Variants in SLIT3 observed in about 807,000 individuals in gnomAD.
SLIT3 encodes the protein slit homolog 3 protein.
In SLIT3, 68 loss-of-function variants were observed where a neutral mutation model predicts 184.0. That is an observed-to-expected ratio of 0.37 (90% confidence interval 0.30 to 0.45). The LOEUF (loss-of-function observed/expected upper bound fraction) is 0.45. Among genes scored for constraint, SLIT3 ranks in the 20% least tolerant of loss-of-function variants. The probability of loss-of-function intolerance (pLI) is 1.00; values close to 1 mark genes in which losing one functional copy is unlikely to be tolerated. For missense variants in SLIT3, 1,707 were observed against 2,026.0 expected (o/e 0.84, Z 3.02); for synonymous variants, 831 against 828.6 (o/e 1.00, Z -0.05).
intron 4 of SLIT3, among the ~76,000 whole-genome samples, chr5:168,963,332 C>T (rs1763078347): frequency 6.6e-6 from 1 of 152,126 alleles, no homozygotes; most frequent in African/African-American, 2.4e-5. Flanking sequence ...CCATCACACC[C>T]AGCTGATTTT....
chr5:169,235,466 C>A (rs1360772803), intron 3 of SLIT3, among the ~76,000 whole-genome samples: 1 of 152,080 alleles, frequency 6.6e-6, no homozygotes, highest in Non-Finnish European at 1.5e-5. Flanking sequence ...CTCATATAGC[C>A]CATACCCAAT....
At chr5:168,684,946 A>T (rs116886818) in intron 31 of SLIT3, among the ~76,000 whole-genome samples, 6,348 of 151,916 alleles carry the variant, frequency 0.042, 437 homozygotes, top group Admixed American at 0.18. Context: ...AGATAATTTT[A>T]TTATTTATTT....
intron 4 of SLIT3, among the ~76,000 whole-genome samples, chr5:169,188,173 G>A (rs1763424025): frequency 6.6e-6 from 1 of 152,276 alleles, no homozygotes; most frequent in South Asian, 2.1e-4. Flanking sequence ...TGCCCAGGCT[G>A]GTCTCGAACT....
chr5:169,137,329 C>CAGAGAGAGAGAGAGAGAG (rs573469556), intron 4 of SLIT3, among the ~76,000 whole-genome samples: 142 of 97,948 alleles, frequency 1.4e-3, no homozygotes, highest in South Asian at 6.1e-3. Context: ...CACACACACA[C>CAGAGAGAGAGAGAGAGAG]ACACACAGAG....
intron 6 of SLIT3, among the ~76,000 whole-genome samples, chr5:168,840,756 A>T (rs1258267382): frequency 2.6e-5 from 4 of 152,232 alleles, no homozygotes; most frequent in Non-Finnish European, 4.4e-5. Context: ...CGGTCCCTCA[A>T]TTAAGAACCT....
chr5:168,704,569 C>T (rs1032794853), intron 26 of SLIT3, among the ~76,000 whole-genome samples: 4 of 152,184 alleles, frequency 2.6e-5, no homozygotes, highest in African/African-American at 7.2e-5. Context: ...TCTTTCTGAA[C>T]CTTAGTTGTT....
intron 35 of SLIT3, 84 bp downstream of exon 35, chr5:168,669,699 G>C (rs1016081357): frequency 1.8e-6 from 2 of 1,127,854 alleles, no homozygotes; most frequent in African/African-American, 3.1e-5. Context: ...AAGTGGCACA[G>C]CCAGAACTGG....
At chr5:168,932,265 T>G (rs867091268) in intron 4 of SLIT3, among the ~76,000 whole-genome samples, 1 of 150,702 alleles carries the variant, frequency 6.6e-6, no homozygotes, top group African/African-American at 2.4e-5. Flanking sequence ...TGTGTTTTTT[T>G]TTTTTTTTTG....
At chr5:168,724,055 A>G (rs940156107) in intron 21 of SLIT3, among the ~76,000 whole-genome samples, 4 of 152,200 alleles carry the variant, frequency 2.6e-5, no homozygotes, top group Non-Finnish European at 5.9e-5. Flanking sequence ...TAAACATCCT[A>G]TAATGTCTAT....
rs1581065068 is a variant in SLIT3 at position 168,772,836 on chromosome 5, G to A, written c.1404C>T (p.Arg468=). 1 of 1,614,116 alleles carries A rather than the reference G, an allele frequency of 6.2e-7. No homozygotes were observed. The highest frequency in any genetic ancestry group is 2.2e-5 in the East Asian group (1 of 44,874). ...GGCTGATGCGCTTGTTGGCGAGTCG[G>A]CGCGGGCTGCTGCAGCGGGCCCCGC... ...ETSGARCSSP[R]RLANKRISQI... The change falls in exon 14 of 36, where the codon CGC becomes CGT. Residue 468 remains arginine, a synonymous_variant. Coordinates refer to ENST00000519560, the MANE Select transcript of SLIT3 (RefSeq NM_003062.4).
At chr5:168,895,140 T>C (rs924421446) in intron 4 of SLIT3, among the ~76,000 whole-genome samples, 4 of 152,184 alleles carry the variant, frequency 2.6e-5, no homozygotes, top group Non-Finnish European at 5.9e-5. Flanking sequence ...CACTTCCTAG[T>C]GTCTACCCCA....
chr5:169,286,613 G>A (rs1180549837), intron 1 of SLIT3, among the ~76,000 whole-genome samples: 1 of 152,198 alleles, frequency 6.6e-6, no homozygotes, highest in Non-Finnish European at 1.5e-5. Flanking sequence ...AGGTCACATG[G>A]TGTGTCAGAG....
At chr5:169,001,590 T>C (rs188917258) in intron 4 of SLIT3, among the ~76,000 whole-genome samples, 3 of 152,226 alleles carry the variant, frequency 2.0e-5, no homozygotes, top group East Asian at 3.9e-4. Flanking sequence ...TCTGTCAGCA[T>C]CTCATGACAG....
intron 1 of SLIT3, among the ~76,000 whole-genome samples, chr5:169,288,820 C>T (rs73319596): frequency 0.04 from 6,045 of 152,208 alleles, 379 homozygotes; most frequent in African/African-American, 0.14. Flanking sequence ...GTAAAAGATG[C>T]ATCTTGTTAA....
intron 1 of SLIT3, among the ~76,000 whole-genome samples, chr5:169,254,878 CCA>C (rs1277833191): frequency 6.6e-6 from 1 of 152,214 alleles, no homozygotes; most frequent in Non-Finnish European, 1.5e-5. Flanking sequence ...AAACTCTAAG[CCA>C]GAATCGCCCA....
chr5:169,116,527 C>T (rs1299427064), intron 4 of SLIT3, among the ~76,000 whole-genome samples: 4 of 152,200 alleles, frequency 2.6e-5, no homozygotes, highest in Non-Finnish European at 5.9e-5. Flanking sequence ...AACCCAAAGA[C>T]ATTGTTAATG....
rs533760903 is a variant in SLIT3, at chr5:168,932,300, T to C, written c.414-48964A>G. ...GGTACAAGGCACTATATATTTCAAA[T>C]CATTCTTCTGGACCAGATAAAAAGA... On this transcript the variant is annotated intron_variant, in intron 4 of 35. Transcript: ENST00000519560. 3.5e-5 allele frequency among the ~76,000 whole-genome samples: 5 copies of C among 142,142 alleles called. No homozygotes were observed. In the East Asian group the frequency reaches 1.0e-3, roughly 29 times the overall value. 93.3% of individuals were successfully genotyped at this position (142,142 alleles called of 152,430 possible).
chr5:168,702,481 C>T (rs1355700429), intron 26 of SLIT3, among the ~76,000 whole-genome samples: 1 of 152,084 alleles, frequency 6.6e-6, no homozygotes, highest in East Asian at 1.9e-4. Flanking sequence ...TCAAAACATG[C>T]GTTCTAGGGG....
chr5:168,722,765 T>C (rs554605350), intron 22 of SLIT3, among the ~76,000 whole-genome samples, 168 bp downstream of exon 22: 1 of 152,340 alleles, frequency 6.6e-6, no homozygotes, highest in African/African-American at 2.4e-5. Context: ...GTGGAGGGCT[T>C]CCTACTTTAT....
Sources: gnomAD v4.1 joint callset for allele counts (sites outside exome capture counted in the v4.1 genomes callset) on GRCh38, gnomAD v4.1.1 for gene constraint, MANE v1.5 for transcripts, NCBI Gene and HGNC (gene_info 2026-07-23, HGNC 2026-07-21) for gene names.